CLYBL: variants seen among roughly 807,000 people sequenced by gnomAD.
The protein encoded by CLYBL is citramalyl-CoA lyase.
In CLYBL, 31 loss-of-function variants were observed where a neutral mutation model predicts 38.9. That is an observed-to-expected ratio of 0.80 (90% CI 0.60 to 1.08). CLYBL has a LOEUF of 1.08. Among genes scored for constraint, CLYBL ranks in the 50% least tolerant of loss-of-function variants. CLYBL has a pLI of 0.00. For synonymous variants in CLYBL, 171 were observed against 158.6 expected, an observed-to-expected ratio of 1.08 and a Z score of -0.59; for missense variants, 434 against 411.6, an observed-to-expected ratio of 1.05 and a Z score of -0.47.
intron 1 of CLYBL, among the ~76,000 whole-genome samples, chr13:99,705,921 A>ATT (rs34844714): frequency 1.4e-5 from 2 of 147,232 alleles, no homozygotes; most frequent in African/African-American, 5.0e-5. Context: ...TTTTGCCCCA[A>ATT]TTTTTTTTTT....
At chr13:99,897,861 C>T (rs1467615948), downstream of CLYBL, among the ~76,000 whole-genome samples, 1 of 152,026 alleles carries the variant, frequency 6.6e-6, no homozygotes, top group Non-Finnish European at 1.5e-5. Context: ...GCAGGAGAAT[C>T]GCTTGACCCG....
chr13:99,663,879 T>G (rs1378225964), intron 1 of CLYBL, among the ~76,000 whole-genome samples: 1 of 152,236 alleles, frequency 6.6e-6, no homozygotes, highest in Non-Finnish European at 1.5e-5. Flanking sequence ...AGGAGCCTTA[T>G]GCTAGAACCA....
At chr13:99,658,195 A>G (rs559463781) in intron 1 of CLYBL, among the ~76,000 whole-genome samples, 1 of 152,362 alleles carries the variant, frequency 6.6e-6, no homozygotes, top group South Asian at 2.1e-4. Context: ...GGCCGCCGGC[A>G]GGGGACTGCC....
chr13:99,740,849 A>C (rs2048742720), intron 1 of CLYBL, among the ~76,000 whole-genome samples: 1 of 152,116 alleles, frequency 6.6e-6, no homozygotes, highest in African/African-American at 2.4e-5. Flanking sequence ...TGAAGGACCC[A>C]GTTGTGGGGC....
intron 2 of CLYBL, among the ~76,000 whole-genome samples, chr13:99,810,849 C>G (rs573730369): frequency 1.1e-4 from 17 of 152,210 alleles, no homozygotes; most frequent in Admixed American, 2.6e-4. Context: ...AAACGTAGCC[C>G]TCCTGTCAGC....
At chr13:99,634,595 G>A (rs539636089) in intron 1 of CLYBL, among the ~76,000 whole-genome samples, 1 of 152,246 alleles carries the variant, frequency 6.6e-6, no homozygotes, top group Admixed American at 6.5e-5. Context: ...GTATGAAAAA[G>A]GAGACTAAAT....
At position 99,785,795 on chromosome 13, in the gene CLYBL, A is replaced by T. The variant is rs143742550; in HGVS notation, c.249+12785A>T. ...GTATTTTTAGTAGAGACAGGGTTTCACCATCTTGGCCAGGCTGGTCTTGAA... is the reference window on the plus strand; with the variant it reads ...GTATTTTTAGTAGAGACAGGGTTTCTCCATCTTGGCCAGGCTGGTCTTGAA... On this transcript the variant is annotated intron_variant, in intron 2 of 8. Coordinates refer to ENST00000339105, the MANE Select transcript of CLYBL (RefSeq NM_206808.5). Among the ~76,000 whole-genome samples the T allele has an allele frequency of 2.3e-3, 347 of 152,050 alleles. 1 individual carries two copies. The highest frequency in any genetic ancestry group is 8.2e-3 in the African/African-American group (341 of 41,480).
intron 1 of CLYBL, among the ~76,000 whole-genome samples, chr13:99,769,549 G>T (rs900471415): frequency 4.6e-5 from 7 of 152,222 alleles, no homozygotes; most frequent in African/African-American, 1.7e-4. Flanking sequence ...TAAGTAAAAT[G>T]TGGTTGTTGC....
At chr13:99,776,724 C>T (rs1220482866) in intron 2 of CLYBL, among the ~76,000 whole-genome samples, 5 of 152,006 alleles carry the variant, frequency 3.3e-5, no homozygotes, top group African/African-American at 1.2e-4. Flanking sequence ...AAGCATGCCG[C>T]TAAAAACTTC....
At chr13:99,870,825 T>G (rs1172650190) in intron 6 of CLYBL, 113 bp from the exon 7 acceptor site, 1 of 1,060,208 alleles carries the variant, frequency 9.4e-7, no homozygotes, top group East Asian at 2.6e-5. Flanking sequence ...AGTTTTAAAT[T>G]AGTTATTTAA....
intron 1 of CLYBL, among the ~76,000 whole-genome samples, chr13:99,639,626 C>T (rs1391314503): frequency 2.0e-5 from 3 of 152,216 alleles, no homozygotes; most frequent in Non-Finnish European, 4.4e-5. Flanking sequence ...GATGTGGTGA[C>T]TCTTACCTGT....
At chr13:99,779,956 T>A (rs1248908632) in intron 2 of CLYBL, among the ~76,000 whole-genome samples, 4 of 152,172 alleles carry the variant, frequency 2.6e-5, no homozygotes, top group African/African-American at 4.8e-5. Context: ...GAAAGTATAT[T>A]TTCTACTTAC....
intron 1 of CLYBL, among the ~76,000 whole-genome samples, chr13:99,687,919 A>G (rs1265486712): frequency 1.3e-5 from 2 of 152,208 alleles, no homozygotes; most frequent in African/African-American, 2.4e-5. Context: ...CTACTTGATC[A>G]TGACTAAGCC....
At chr13:99,693,085 G>A (rs991581775) in intron 1 of CLYBL, among the ~76,000 whole-genome samples, 1 of 152,166 alleles carries the variant, frequency 6.6e-6, no homozygotes, top group Admixed American at 6.5e-5. Context: ...TATATAGCTA[G>A]GAGTGGAATT....
chr13:99,619,257 G>A (rs2046759072), intron 1 of CLYBL, among the ~76,000 whole-genome samples: 1 of 152,122 alleles, frequency 6.6e-6, no homozygotes, highest in Non-Finnish European at 1.5e-5. Flanking sequence ...TTCAGAGAGA[G>A]TTTTCCAGTC....
At chr13:99,656,101 T>A (rs1411138565) in intron 1 of CLYBL, among the ~76,000 whole-genome samples, 1 of 152,142 alleles carries the variant, frequency 6.6e-6, no homozygotes, top group Non-Finnish European at 1.5e-5. Flanking sequence ...ATTATCACTC[T>A]TCCTGCTTTG....
chr13:99,856,600 G>A (rs750547137), intron 2 of CLYBL, among the ~76,000 whole-genome samples: 10 of 152,066 alleles, frequency 6.6e-5, no homozygotes, highest in African/African-American at 2.4e-4. Flanking sequence ...GGATCTAAAT[G>A]TGCCTTCCAA....
intron 1 of CLYBL, among the ~76,000 whole-genome samples, chr13:99,638,067 G>A (rs2047047322): frequency 6.9e-6 from 1 of 145,280 alleles, no homozygotes; most frequent in Non-Finnish European, 1.5e-5. Flanking sequence ...AGACTCCAGT[G>A]AGTCTCCTAC....
chr13:99,905,090 G>C (rs2152139109), intron 8 of CLYBL, among the ~76,000 whole-genome samples: 1 of 152,268 alleles, frequency 6.6e-6, no homozygotes, highest in East Asian at 1.9e-4. Context: ...TCACACTGGA[G>C]GGTCTGGTCC....
Sources: gnomAD v4.1 joint callset for allele counts (sites outside exome capture counted in the v4.1 genomes callset) on GRCh38, gnomAD v4.1.1 for gene constraint, MANE v1.5 for transcripts, NCBI Gene and HGNC (gene_info 2026-07-23, HGNC 2026-07-21) for gene names.